The following MYO3B variants were observed in gnomAD, a reference collection of about 807,000 sequenced individuals.
MYO3B encodes myosin IIIB.
A neutral mutation model predicts 174.6 loss-of-function variants in MYO3B; 156 were observed. The ratio of observed to expected loss-of-function variants is 0.89; its 90% CI spans 0.78 to 1.02. The LOEUF is 1.02. MYO3B is among the 50% of genes least tolerant of loss of function. The pLI is 0.00. For synonymous variants in MYO3B, 563 were observed against 569.1 expected (o/e 0.99, Z 0.15); for missense variants, 1,632 against 1,639.4 (o/e 1.00, Z 0.08).
chr2:170,272,493 C>A (rs769118776), intron 7 of MYO3B, among the ~76,000 whole-genome samples: 8 of 152,122 alleles, frequency 5.3e-5, no homozygotes, highest in Non-Finnish European at 1.0e-4. Context: ...CTAAAGGGAG[C>A]CCAAGTTTTC....
intron 8 of MYO3B, among the ~76,000 whole-genome samples, chr2:170,354,584 A>G (rs1370196721): frequency 1.3e-5 from 2 of 152,240 alleles, no homozygotes; most frequent in Non-Finnish European, 2.9e-5. Flanking sequence ...TTCCCTAACA[A>G]TAGGAGTCAA....
Position 170,468,448 on chromosome 2 carries a change from G to A in MYO3B, c.3014+1737G>A, listed in dbSNP as rs756574674. On this transcript the variant is annotated intron_variant, in intron 25 of 34. Transcript: ENST00000408978. ...CACCTGGTGGTGTTCTTGGGATCAT[G>A]TTGTTGGGTTCCAGAAAGGGGAAAG... Among the ~76,000 whole-genome samples, 126 of 151,928 alleles carry A rather than the reference G, an allele frequency of 8.3e-4. No individual in the cohort carries two copies. In the Middle Eastern group the frequency reaches 0.014, roughly 16 times the overall value.
At chr2:170,226,252 T>C (rs1258349770) in intron 6 of MYO3B, among the ~76,000 whole-genome samples, 1 of 151,932 alleles carries the variant, frequency 6.6e-6, no homozygotes, top group East Asian at 1.9e-4. Flanking sequence ...AAATGAGAGG[T>C]TTAGAACTTC....
chr2:170,619,460 G>A (rs1230096136), intron 32 of MYO3B, among the ~76,000 whole-genome samples: 1 of 152,138 alleles, frequency 6.6e-6, no homozygotes, highest in Non-Finnish European at 1.5e-5. Context: ...AGCTTAGCTG[G>A]GTGCTTGTGG....
At chr2:170,182,121 C>G (rs936724076) in intron 1 of MYO3B, among the ~76,000 whole-genome samples, 4 of 151,842 alleles carry the variant, frequency 2.6e-5, no homozygotes, top group African/African-American at 9.7e-5. Flanking sequence ...TACAACAATT[C>G]TTTTGGTTGT....
chr2:170,259,653 T>C (rs1260934634), intron 7 of MYO3B, among the ~76,000 whole-genome samples: 1 of 152,228 alleles, frequency 6.6e-6, no homozygotes, highest in African/African-American at 2.4e-5. Context: ...AAAGAATTTA[T>C]GACAAAGTCC....
chr2:170,480,872 A>G (rs1339482987), intron 25 of MYO3B, among the ~76,000 whole-genome samples: 3 of 152,238 alleles, frequency 2.0e-5, no homozygotes, highest in African/African-American at 7.2e-5. Context: ...TTTTCCCACA[A>G]CAGTGTGTTT....
chr2:170,553,902 G>T (rs1691097196), intron 32 of MYO3B, among the ~76,000 whole-genome samples: 1 of 152,160 alleles, frequency 6.6e-6, no homozygotes, highest in African/African-American at 2.4e-5. Context: ...AAAGTAAGCA[G>T]CACTTCCCCC....
intron 1 of MYO3B, chr2:170,180,242 C>A (rs1574531025): frequency 2.7e-6 from 1 of 364,490 alleles, no homozygotes; most frequent in South Asian, 2.0e-5. Flanking sequence ...CAGACTAGAC[C>A]AATTTGGGGT....
intron 25 of MYO3B, among the ~76,000 whole-genome samples, chr2:170,478,692 C>T (rs1477495640): frequency 5.3e-5 from 8 of 151,242 alleles, no homozygotes; most frequent in African/African-American, 1.5e-4. Context: ...CCTCAGCCTC[C>T]GTAAGTAGCT....
intron 32 of MYO3B, among the ~76,000 whole-genome samples, chr2:170,633,372 C>A (rs893351117): frequency 2.0e-5 from 3 of 152,202 alleles, no homozygotes; most frequent in Non-Finnish European, 2.9e-5. Context: ...AAGAAAACCA[C>A]ATGATTATCT....
At chr2:170,369,481 G>A (rs2094224192) in intron 9 of MYO3B, 104 bp downstream of exon 9, 3 of 1,277,700 alleles carry the variant, frequency 2.3e-6, no homozygotes, top group Non-Finnish European at 3.2e-6. Context: ...TTACATTCCT[G>A]CATTTTTAAG....
intron 32 of MYO3B, among the ~76,000 whole-genome samples, chr2:170,568,304 CAG>C (rs1214658150): frequency 2.0e-5 from 3 of 152,208 alleles, no homozygotes; most frequent in Non-Finnish European, 4.4e-5. Context: ...TTGGTAATAA[CAG>C]GGGCAGAGTA....
chr2:170,505,481 A>G (rs1293891808), intron 28 of MYO3B, among the ~76,000 whole-genome samples: 2 of 152,238 alleles, frequency 1.3e-5, no homozygotes, highest in South Asian at 2.1e-4. Flanking sequence ...AAAAACTAAC[A>G]GTGACCTTGA....
At chr2:170,383,288 C>T (rs987222587) in intron 11 of MYO3B, 99 bp downstream of exon 11, 100 of 752,794 alleles carry the variant, frequency 1.3e-4, no homozygotes, top group Middle Eastern at 2.7e-4. Context: ...ATTATGCTAC[C>T]CTAGATGTAT....
intron 7 of MYO3B, among the ~76,000 whole-genome samples, chr2:170,283,777 A>T (rs2093532360): frequency 6.6e-6 from 1 of 152,222 alleles, no homozygotes; most frequent in South Asian, 2.1e-4. Context: ...TGAAATTGGC[A>T]GTTTATATTG....
chr2:170,445,007 A>C (rs538663477), intron 23 of MYO3B, among the ~76,000 whole-genome samples: 1 of 152,334 alleles, frequency 6.6e-6, no homozygotes, highest in African/African-American at 2.4e-5. Context: ...AGTTGCTGCA[A>C]ACTCTGAATC....
chr2:170,271,971 G>C (rs2093428305), intron 7 of MYO3B, among the ~76,000 whole-genome samples: 1 of 151,956 alleles, frequency 6.6e-6, no homozygotes, highest in Non-Finnish European at 1.5e-5. Context: ...TTTGTATCTA[G>C]TAAACTTGCA....
intron 7 of MYO3B, among the ~76,000 whole-genome samples, chr2:170,301,424 A>G (rs1297594826): frequency 2.0e-5 from 3 of 152,232 alleles, no homozygotes; most frequent in African/African-American, 7.2e-5. Context: ...GATTGTATCG[A>G]TAATAGTTTT....
Sources: gnomAD v4.1 joint callset for allele counts (sites outside exome capture counted in the v4.1 genomes callset) on GRCh38, gnomAD v4.1.1 for gene constraint, MANE v1.5 for transcripts, NCBI Gene and HGNC (gene_info 2026-07-23, HGNC 2026-07-21) for gene names.